The following CNTN5 variants were observed in gnomAD, a reference collection of about 807,000 sequenced individuals.
CNTN5 encodes the protein contactin 5.
A neutral mutation model predicts 129.1 loss-of-function variants in CNTN5; 77 were observed. The ratio of observed to expected loss-of-function variants is 0.60; its 90% confidence interval spans 0.50 to 0.72. CNTN5 has a LOEUF of 0.72. Ranked by LOEUF, CNTN5 falls within the 30% of genes least tolerant of loss-of-function variation. The pLI, the probability that CNTN5 is intolerant of heterozygous loss-of-function variation, is 0.00. For synonymous variants in CNTN5, 509 were observed against 465.6 expected (o/e 1.09, Z -1.20); for missense variants, 1,478 against 1,328.8 (o/e 1.11, Z -1.75).
At chr11:100,119,593 A>G (rs899370965) in intron 13 of CNTN5, among the ~76,000 whole-genome samples, 1 of 151,946 alleles carries the variant, frequency 6.6e-6, no homozygotes, top group African/African-American at 2.4e-5. Context: ...CCATGATTCT[A>G]AGGCAGTATC....
rs1236378871 is a variant in CNTN5 at position 99,317,270 on chromosome 11, T to TTACTTGC, written c.-209-8074_-209-8068dup. Among the ~76,000 whole-genome samples, 4 of 152,284 alleles carry TTACTTGC rather than the reference T, an allele frequency of 2.6e-5. No individual in the cohort carries two copies. In the East Asian group the frequency reaches 7.7e-4, roughly 29 times the overall value. ...TTTCAGCAACCAATTCCGTGCTCTG[T>TTACTTGC]TACTTGCTGCAGACAGCCCTTTTGA... is the stretch of plus-strand genomic sequence containing the variant. On this transcript the variant is annotated intron_variant, in intron 1 of 24. Coordinates refer to ENST00000524871, the MANE Select transcript of CNTN5 (RefSeq NM_014361.4).
At chr11:99,292,064 G>C (rs140944511) in intron 1 of CNTN5, among the ~76,000 whole-genome samples, 1 of 152,040 alleles carries the variant, frequency 6.6e-6, no homozygotes, top group African/African-American at 2.4e-5. Flanking sequence ...TCCCAGAAAT[G>C]TCCGATTCAT....
At chr11:99,032,144 A>G (rs1863421776) in intron 1 of CNTN5, among the ~76,000 whole-genome samples, 2 of 151,816 alleles carry the variant, frequency 1.3e-5, no homozygotes, top group South Asian at 4.2e-4. Flanking sequence ...TATGTGCCAC[A>G]TTTTCTTAAT....
intron 8 of CNTN5, among the ~76,000 whole-genome samples, chr11:99,968,228 G>A (rs1042124735): frequency 6.6e-6 from 1 of 152,170 alleles, no homozygotes; most frequent in African/African-American, 2.4e-5. Flanking sequence ...AAGAAAGTGA[G>A]TGGAAATAGA....
At chr11:99,127,904 T>C (rs977055189) in intron 1 of CNTN5, among the ~76,000 whole-genome samples, 2 of 152,174 alleles carry the variant, frequency 1.3e-5, no homozygotes, top group Non-Finnish European at 2.9e-5. Context: ...CTAGCTTGCT[T>C]TTTTAGGGCT....
intron 3 of CNTN5, among the ~76,000 whole-genome samples, chr11:99,690,693 C>A (rs1469879656): frequency 6.6e-6 from 1 of 152,144 alleles, no homozygotes; most frequent in African/African-American, 2.4e-5. Flanking sequence ...TCCTTCACAT[C>A]CCTCGTTAGC....
At chr11:100,043,273 C>T (rs1210535656) in intron 9 of CNTN5, among the ~76,000 whole-genome samples, 5 of 152,136 alleles carry the variant, frequency 3.3e-5, no homozygotes, top group African/African-American at 9.7e-5. Context: ...ATGGCATATT[C>T]ATAATGTCAG....
At chr11:99,705,225 T>C (rs1954704156) in intron 3 of CNTN5, among the ~76,000 whole-genome samples, 1 of 151,356 alleles carries the variant, frequency 6.6e-6, no homozygotes, top group South Asian at 2.1e-4. Flanking sequence ...AAAACAGTAC[T>C]CCCTTTATAA....
intron 8 of CNTN5, among the ~76,000 whole-genome samples, chr11:99,977,638 C>T (rs1451101210): frequency 2.0e-5 from 3 of 152,176 alleles, no homozygotes; most frequent in Middle Eastern, 6.8e-3. Context: ...ACCTTTAAAC[C>T]ATCAAATCTT....
At chr11:99,356,971 G>A (rs796133226) in intron 2 of CNTN5, among the ~76,000 whole-genome samples, 3 of 152,230 alleles carry the variant, frequency 2.0e-5, no homozygotes, top group African/African-American at 7.2e-5. Context: ...TGTCATGATT[G>A]TCAAGTATAG....
chr11:99,954,474 A>T (rs982136507), intron 7 of CNTN5, among the ~76,000 whole-genome samples: 2 of 152,228 alleles, frequency 1.3e-5, no homozygotes, highest in Non-Finnish European at 2.9e-5. Flanking sequence ...GCATGCATTC[A>T]ATTATTTTTA....
chr11:99,648,689 G>C (rs1249431027), intron 3 of CNTN5, among the ~76,000 whole-genome samples: 1 of 151,738 alleles, frequency 6.6e-6, no homozygotes, highest in Non-Finnish European at 1.5e-5. Flanking sequence ...CGAATAAAGA[G>C]AATGTGGTAT....
At chr11:99,939,186 A>G (rs955014755) in intron 7 of CNTN5, among the ~76,000 whole-genome samples, 1 of 152,086 alleles carries the variant, frequency 6.6e-6, no homozygotes, top group Admixed American at 6.6e-5. Flanking sequence ...TAAGAAATTG[A>G]TTTCTTTCTT....
chr11:99,555,810 A>G (rs1022908668), intron 2 of CNTN5, among the ~76,000 whole-genome samples: 1 of 151,892 alleles, frequency 6.6e-6, no homozygotes, highest in African/African-American at 2.4e-5. Flanking sequence ...TTCTAGTCCA[A>G]TAATTTGTCT....
chr11:100,222,963 G>A (rs1949295524), intron 15 of CNTN5, among the ~76,000 whole-genome samples: 1 of 150,242 alleles, frequency 6.7e-6, no homozygotes. Context: ...CTAAATTATT[G>A]TTTATTAACA....
chr11:99,612,958 A>T (rs1331928767), intron 3 of CNTN5, among the ~76,000 whole-genome samples: 1 of 152,160 alleles, frequency 6.6e-6, no homozygotes, highest in Non-Finnish European at 1.5e-5. Context: ...TGAGGTTAGA[A>T]AGCCAATGCA....
chr11:100,015,224 A>G (rs1395927845), intron 9 of CNTN5, among the ~76,000 whole-genome samples: 2 of 152,328 alleles, frequency 1.3e-5, no homozygotes, highest in East Asian at 3.9e-4. Context: ...GATTGTAAAA[A>G]TAAAAGCTCA....
chr11:99,378,647 T>C (rs1188663378), intron 2 of CNTN5, among the ~76,000 whole-genome samples: 1 of 152,112 alleles, frequency 6.6e-6, no homozygotes, highest in African/African-American at 2.4e-5. Flanking sequence ...GATTTTCTTA[T>C]ACTAATCAGC....
intron 1 of CNTN5, among the ~76,000 whole-genome samples, chr11:99,040,331 T>C (rs1863938707): frequency 6.6e-6 from 1 of 152,158 alleles, no homozygotes; most frequent in Non-Finnish European, 1.5e-5. Context: ...AATGTGTAGC[T>C]TAAGTAAGTC....
Sources: gnomAD v4.1 joint callset for allele counts (sites outside exome capture counted in the v4.1 genomes callset) on GRCh38, gnomAD v4.1.1 for gene constraint, MANE v1.5 for transcripts, NCBI Gene and HGNC (gene_info 2026-07-23, HGNC 2026-07-21) for gene names.